PROM1: variants seen among roughly 807,000 people sequenced by gnomAD.
The protein encoded by PROM1 is prominin-1.
In PROM1, 105 loss-of-function variants were observed where a neutral mutation model predicts 116.9. That is an observed-to-expected ratio of 0.90 (90% confidence interval 0.77 to 1.06). The LOEUF (loss-of-function observed/expected upper bound fraction) is 1.06. Among genes scored for constraint, PROM1 ranks in the 50% least tolerant of loss-of-function variants. The pLI, the probability that PROM1 is intolerant of heterozygous loss-of-function variation, is 0.00. For synonymous variants in PROM1, 393 were observed against 387.0 expected, an observed-to-expected ratio of 1.02 and a Z score of -0.18; for missense variants, 1,122 against 1,045.2, an observed-to-expected ratio of 1.07 and a Z score of -1.01.
chr4:16,072,886 C>A (rs7666421), intron 2 of PROM1, among the ~76,000 whole-genome samples: 2 of 151,906 alleles, frequency 1.3e-5, no homozygotes, highest in Non-Finnish European at 2.9e-5. Flanking sequence ...AACTGGCTCA[C>A]CTGGTCTTGT....
At position 16,006,627 on chromosome 4, in the gene PROM1, G is replaced by A; in HGVS notation, c.1365C>T (p.Gly455=). 1 of 1,612,330 alleles carries A rather than the reference G, an allele frequency of 6.2e-7. No individual in the cohort carries two copies. The highest frequency in any genetic ancestry group is 8.5e-7 in the Non-Finnish European group (1 of 1,179,320). The change falls in exon 13 of 28, where the codon GGC becomes GGT. Residue 455 remains glycine (G), a synonymous_variant. Coordinates refer to ENST00000447510, the MANE Select transcript of PROM1 (RefSeq NM_006017.3). Reference sequence around the variant, plus strand: ...CATAGCCGCACACGCCACACAGTAAGCCCAGGTAGTAAAAAATCACGATGA... The same window carrying A: ...CATAGCCGCACACGCCACACAGTAAACCCAGGTAGTAAAAAATCACGATGA... ...LTLIVIFYYL[G]LLCGVCGYDR...
At chr4:16,005,993 G>A (rs1288519306) in intron 13 of PROM1, among the ~76,000 whole-genome samples, 7 of 152,198 alleles carry the variant, frequency 4.6e-5, no homozygotes, top group East Asian at 1.9e-4. Context: ...GTCTTCTGCC[G>A]CAGGCATACC....
chr4:15,992,098 G>A, intron 17 of PROM1, 150 bp downstream of exon 17: 1 of 944,810 alleles, frequency 1.1e-6, no homozygotes, highest in Non-Finnish European at 1.6e-6. Flanking sequence ...GCAGCACTGT[G>A]AATGTACTCA....
At chr4:16,076,211 C>A in intron 1 of PROM1, 93 bp from the exon 2 acceptor site, 2 of 321,062 alleles carry the variant, frequency 6.2e-6, no homozygotes, top group Non-Finnish European at 1.1e-5. Flanking sequence ...AGCTTTAGAG[C>A]AAGGCCTCCA....
intron 5 of PROM1, among the ~76,000 whole-genome samples, chr4:16,030,341 T>C (rs1341611441): frequency 1.3e-5 from 2 of 152,342 alleles, no homozygotes; most frequent in African/African-American, 4.8e-5. Context: ...TTAGTTTTAG[T>C]TTTGTCACAA....
In PROM1 at chr4:15,971,043, C is replaced by A. The variant is rs1035561572; in HGVS notation, c.*24G>T. ...TCTTCAATGAAAGCATCAAACTTACCTCAAGCAGTTTCAACATCAGCTATC... is the reference window on the plus strand; with the variant it reads ...TCTTCAATGAAAGCATCAAACTTACATCAAGCAGTTTCAACATCAGCTATC... On this transcript the variant is annotated splice_region_variant and 3_prime_UTR_variant, in exon 27 of 28. Transcript: ENST00000447510. 35 of 1,580,186 alleles carry A rather than the reference C, an allele frequency of 2.2e-5. No homozygotes were observed. Among genetic ancestry groups the A allele is most frequent in the Non-Finnish European group, 2.7e-5 (31 of 1,162,264 alleles).
At chr4:16,082,709 C>G (rs963128696) in intron 1 of PROM1, 6 of 152,168 alleles carry the variant, frequency 3.9e-5, no homozygotes, top group African/African-American at 1.4e-4. Context: ...AGCGCGTCGG[C>G]GCCAGTTCCC....
intron 3 of PROM1, among the ~76,000 whole-genome samples, chr4:16,035,972 A>T (rs1733855089): frequency 6.6e-6 from 1 of 152,236 alleles, no homozygotes. Flanking sequence ...GAGTTCTGAA[A>T]TTTACATTTG....
In PROM1 at chr4:16,008,963, C is replaced by T; in HGVS notation, c.1287G>A (p.Glu429=). The change falls in exon 12 of 28, where the codon GAG becomes GAA. Residue 429 remains glutamate (E), a synonymous_variant. Coordinates refer to ENST00000447510, the MANE Select transcript of PROM1 (RefSeq NM_006017.3). The part of the protein sequence containing the change: ...YIHRNLPTLE[E]YDSYWWLGGL... ...GAGACACTCACCAGTATGAATCATA[C>T]TCTTCCAATGTAGGTAAATTTCTGT... is the stretch of plus-strand genomic sequence containing the variant. 1.3e-6 allele frequency: 2 copies of T among 1,589,710 alleles called. No individual in the cohort carries two copies. The highest frequency in any genetic ancestry group is 1.7e-5 in the Admixed American group (1 of 59,858).
At chr4:15,982,143 G>GT (rs1180599201) in intron 23 of PROM1, among the ~76,000 whole-genome samples, 6 of 152,140 alleles carry the variant, frequency 3.9e-5, no homozygotes, top group South Asian at 2.1e-4. Context: ...AACTTCCTAC[G>GT]TAAGTTCGAG....
intron 2 of PROM1, among the ~76,000 whole-genome samples, chr4:16,062,749 T>C (rs1338845289): frequency 6.6e-6 from 1 of 152,204 alleles, no homozygotes; most frequent in African/African-American, 2.4e-5. Context: ...AAAAACAAAT[T>C]TTAAGCCTTG....
chr4:16,057,723 T>C (rs1005808856), intron 2 of PROM1, among the ~76,000 whole-genome samples: 1 of 152,242 alleles, frequency 6.6e-6, no homozygotes, highest in Non-Finnish European at 1.5e-5. Flanking sequence ...AAGATTAGGA[T>C]TTTTATTTCT....
intron 13 of PROM1, among the ~76,000 whole-genome samples, chr4:16,002,543 C>T (rs575409754): frequency 6.6e-6 from 1 of 152,144 alleles, no homozygotes; most frequent in African/African-American, 2.4e-5. Flanking sequence ...GATGCCAAAG[C>T]CATAATTACA....
chr4:16,051,987 C>T (rs1000347149), intron 2 of PROM1, among the ~76,000 whole-genome samples: 6 of 152,138 alleles, frequency 3.9e-5, no homozygotes, highest in Admixed American at 2.6e-4. Context: ...AAACAAAACC[C>T]CAAATGAAAA....
chr4:16,021,455 T>A (rs1291224110), intron 8 of PROM1, among the ~76,000 whole-genome samples: 1 of 152,214 alleles, frequency 6.6e-6, no homozygotes, highest in Non-Finnish European at 1.5e-5. Flanking sequence ...TGTGATCTCT[T>A]CAACATTGCA....
In PROM1 at chr4:16,033,490, C is replaced by T. The variant is rs771963436; in HGVS notation, c.323G>A (p.Gly108Glu). The change falls in exon 5 of 28, where the codon GGG becomes GAG. Residue 108 changes from glycine to glutamate, a missense_variant. Coordinates refer to ENST00000447510, the MANE Select transcript of PROM1 (RefSeq NM_006017.3). ...LGLKIVYYEA[G>E]IILCCVLGLL... is the part of the protein sequence containing the mutation. ...CCCCAGGACACAGCATAGAATAATC[C>T]CTGCTTCATAGTAGACAATCTGCAA... 14 of 1,605,834 alleles carry T rather than the reference C, an allele frequency of 8.7e-6. No individual in the cohort carries two copies. The Admixed American group carries it at 2.4e-4, about 27-fold the overall frequency.
At chr4:16,008,134 G>A (rs1159227057) in intron 12 of PROM1, among the ~76,000 whole-genome samples, 1 of 152,214 alleles carries the variant, frequency 6.6e-6, no homozygotes, top group Non-Finnish European at 1.5e-5. Context: ...TACGTATCCT[G>A]TGGTCTTGTA....
At chr4:16,024,864 A>G (rs780647824) in intron 6 of PROM1, among the ~76,000 whole-genome samples, 4 of 152,244 alleles carry the variant, frequency 2.6e-5, no homozygotes, top group African/African-American at 4.8e-5. Flanking sequence ...CTATACTGCC[A>G]AAAAGAAAGG....
intron 8 of PROM1, among the ~76,000 whole-genome samples, chr4:16,019,484 C>T (rs1415214847): frequency 6.6e-6 from 1 of 152,178 alleles, no homozygotes; most frequent in African/African-American, 2.4e-5. Context: ...TTTCAGTTCA[C>T]CATGGGTTTA....
Sources: gnomAD v4.1 joint callset for allele counts (sites outside exome capture counted in the v4.1 genomes callset) on GRCh38, gnomAD v4.1.1 for gene constraint, MANE v1.5 for transcripts, NCBI Gene and HGNC (gene_info 2026-07-23, HGNC 2026-07-21) for gene names.